Variants in FBXW8 observed in about 807,000 individuals in gnomAD.
FBXW8 encodes F-box and WD repeat domain containing 8.
A neutral mutation model predicts 65.3 loss-of-function variants in FBXW8; 57 were observed. The observed-to-expected ratio is 0.87, with a 90% CI of 0.71 to 1.09. FBXW8 has a LOEUF of 1.09. FBXW8 is among the 50% of genes least tolerant of loss of function. FBXW8 has a pLI of 0.00. For synonymous variants in FBXW8, 308 were observed against 330.2 expected, an observed-to-expected ratio of 0.93 and a Z score of 0.73; for missense variants, 777 against 814.8, an observed-to-expected ratio of 0.95 and a Z score of 0.57.
intron 8 of FBXW8, among the ~76,000 whole-genome samples, chr12:117,014,407 CT>C (rs1186597753): frequency 2.6e-5 from 4 of 152,172 alleles, no homozygotes; most frequent in African/African-American, 9.7e-5. Context: ...GGTTCCCAAA[CT>C]AGCTTATCTT....
chr12:116,939,872 A>G (rs1294180851), intron 2 of FBXW8, among the ~76,000 whole-genome samples: 2 of 152,152 alleles, frequency 1.3e-5, no homozygotes, highest in African/African-American at 4.8e-5. Context: ...TCTGTGCTTC[A>G]TGATTGCCCA....
In FBXW8 at chr12:116,964,678, G is replaced by T. The variant is rs563264722; in HGVS notation, c.678-19G>T. 6.2e-7 allele frequency: 1 copy of T among 1,613,284 alleles called. No individual in the cohort carries two copies. The highest frequency in any genetic ancestry group is 1.1e-5 in the South Asian group (1 of 91,022). ...CTCTTCAATCTCCTTTTGGAACCAA[G>T]TGTGTCGTTCTCTTCCAGATATACA... On this transcript the variant is annotated intron_variant, in intron 4 of 10. Coordinates refer to ENST00000652555, the MANE Select transcript of FBXW8 (RefSeq NM_153348.3).
chr12:116,957,341 C>A (rs543670016), intron 4 of FBXW8, among the ~76,000 whole-genome samples: 1 of 151,788 alleles, frequency 6.6e-6, no homozygotes, highest in African/African-American at 2.4e-5. Context: ...GAGACTGTCT[C>A]AAAAAAAATT....
intron 8 of FBXW8, among the ~76,000 whole-genome samples, chr12:117,018,738 T>C (rs1954017656): frequency 6.6e-6 from 1 of 152,242 alleles, no homozygotes; most frequent in Non-Finnish European, 1.5e-5. Flanking sequence ...GCCGCATCTT[T>C]TGGTTTATTT....
chr12:117,017,686 C>T (rs1471874871), intron 8 of FBXW8, among the ~76,000 whole-genome samples: 3 of 152,022 alleles, frequency 2.0e-5, no homozygotes, highest in South Asian at 4.2e-4. Flanking sequence ...ATAAAAAAAG[C>T]CTACATTGTA....
At chr12:116,926,821 G>C (rs2137306393) in intron 1 of FBXW8, among the ~76,000 whole-genome samples, 1 of 151,780 alleles carries the variant, frequency 6.6e-6, no homozygotes, top group Non-Finnish European at 1.5e-5. Context: ...TTATGCTCTG[G>C]GCTGTCTTTT....
At chr12:116,929,330 G>C (rs1338338079) in intron 2 of FBXW8, among the ~76,000 whole-genome samples, 2 of 152,100 alleles carry the variant, frequency 1.3e-5, no homozygotes, top group African/African-American at 4.8e-5. Flanking sequence ...TGCCTCCTGG[G>C]TTCAAGCTAT....
At chr12:117,003,607 T>C (rs867161996) in intron 7 of FBXW8, among the ~76,000 whole-genome samples, 1 of 152,260 alleles carries the variant, frequency 6.6e-6, no homozygotes, top group Non-Finnish European at 1.5e-5. Context: ...AGTGCATTCT[T>C]TAGAAGTTTC....
intron 7 of FBXW8, among the ~76,000 whole-genome samples, chr12:116,994,807 C>T (rs191629543): frequency 6.7e-4 from 102 of 151,982 alleles, no homozygotes; most frequent in Non-Finnish European, 1.2e-3. Context: ...CTAGATTGCT[C>T]CTGGTGTTTT....
intron 2 of FBXW8, 140 bp from the exon 3 acceptor site, chr12:116,945,224 C>T (rs1882850158): frequency 1.6e-5 from 11 of 670,778 alleles, no homozygotes; most frequent in Middle Eastern, 4.5e-4. Flanking sequence ...TTTTTTTTTC[C>T]ACCTCATAGT....
chr12:116,934,137 G>A (rs138535442), intron 2 of FBXW8, among the ~76,000 whole-genome samples: 1 of 152,160 alleles, frequency 6.6e-6, no homozygotes, highest in Non-Finnish European at 1.5e-5. Context: ...CCATGCCGGA[G>A]ACTGATTTTG....
chr12:116,955,591 T>TTTTG (rs1883591440), intron 4 of FBXW8, among the ~76,000 whole-genome samples: 1 of 152,220 alleles, frequency 6.6e-6, no homozygotes, highest in Non-Finnish European at 1.5e-5. Context: ...GAAACATGTC[T>TTTTG]TTTGTTTGTT....
At chr12:117,022,051 G>T (rs1233594029) in intron 8 of FBXW8, among the ~76,000 whole-genome samples, 3 of 152,172 alleles carry the variant, frequency 2.0e-5, no homozygotes, top group Non-Finnish European at 4.4e-5. Context: ...GGAGAATTTG[G>T]AAGCTTTCCT....
At chr12:116,927,236 C>T (rs139903018) in intron 1 of FBXW8, among the ~76,000 whole-genome samples, 2 of 152,130 alleles carry the variant, frequency 1.3e-5, no homozygotes, top group Non-Finnish European at 1.5e-5. Flanking sequence ...CTACCAGGAT[C>T]GTCAATGACA....
chr12:116,964,298 C>G (rs1308966830), intron 4 of FBXW8, among the ~76,000 whole-genome samples: 2 of 152,224 alleles, frequency 1.3e-5, no homozygotes, highest in Non-Finnish European at 2.9e-5. Context: ...CAGCATCTCT[C>G]TCTGTCTTTC....
intron 2 of FBXW8, among the ~76,000 whole-genome samples, chr12:116,940,255 C>CT (rs76455764): frequency 0.075 from 10,679 of 143,048 alleles, 942 homozygotes; most frequent in African/African-American, 0.22. Context: ...TCCTGGTTAT[C>CT]TTTTTTTTTT....
chr12:116,973,648 G>A (rs955611907), intron 5 of FBXW8, among the ~76,000 whole-genome samples: 6 of 152,182 alleles, frequency 3.9e-5, no homozygotes, highest in African/African-American at 1.4e-4. Context: ...TGACTGGCCT[G>A]TCCTCTTCAG....
intron 1 of FBXW8, among the ~76,000 whole-genome samples, chr12:116,925,767 C>T (rs1881277615): frequency 6.6e-6 from 1 of 152,206 alleles, no homozygotes; most frequent in African/African-American, 2.4e-5. Flanking sequence ...CATGCATTAA[C>T]AGTGAGACCA....
At chr12:117,009,684 A>AT (rs1953758394) in intron 7 of FBXW8, among the ~76,000 whole-genome samples, 2 of 152,332 alleles carry the variant, frequency 1.3e-5, no homozygotes, top group African/African-American at 4.8e-5. Context: ...GTGTTCTAAT[A>AT]TAACAGTGCA....
Sources: allele counts gnomAD v4.1 joint callset (sites outside exome capture counted in the v4.1 genomes callset), GRCh38; gene constraint gnomAD v4.1.1; transcripts MANE v1.5; gene names NCBI Gene and HGNC (gene_info 2026-07-23, HGNC 2026-07-21).